Variants in CRIM1 observed in about 807,000 individuals in gnomAD.
CRIM1 encodes the protein cysteine rich transmembrane BMP regulator 1, also known as cysteine-rich motor neuron 1 protein.
A neutral mutation model predicts 116.4 loss-of-function variants in CRIM1; 32 were observed. That is an observed-to-expected ratio of 0.27 (90% CI 0.21 to 0.37). CRIM1 has a LOEUF of 0.37. Ranked by LOEUF, CRIM1 falls within the 10% of genes least tolerant of loss-of-function variation. CRIM1 has a pLI of 1.00. For synonymous variants in CRIM1, 590 were observed against 509.2 expected (o/e 1.16, Z -2.13); for missense variants, 1,331 against 1,354.8 (o/e 0.98, Z 0.28).
intron 2 of CRIM1, among the ~76,000 whole-genome samples, chr2:36,439,135 T>G (rs1001320703): frequency 1.3e-5 from 2 of 152,198 alleles, no homozygotes; most frequent in Non-Finnish European, 2.9e-5. Flanking sequence ...GAAGTGGTAT[T>G]CTATCCAACA....
At chr2:36,390,754 G>T (rs1671511977) in intron 1 of CRIM1, among the ~76,000 whole-genome samples, 1 of 151,962 alleles carries the variant, frequency 6.6e-6, no homozygotes. Context: ...CTTTTCTTCA[G>T]GTCTTCCATA....
At chr2:36,415,638 C>T (rs1411293357) in intron 2 of CRIM1, among the ~76,000 whole-genome samples, 1 of 152,114 alleles carries the variant, frequency 6.6e-6, no homozygotes, top group Non-Finnish European at 1.5e-5. Flanking sequence ...ACTAGAATCC[C>T]GGTGGAACCA....
chr2:36,495,120 G>C (rs1203173828), intron 7 of CRIM1, among the ~76,000 whole-genome samples: 1 of 152,182 alleles, frequency 6.6e-6, no homozygotes, highest in Admixed American at 6.5e-5. Flanking sequence ...AGTGCCGCCA[G>C]AAATCTTAGC....
At chr2:36,360,505 T>C (rs1276402815) in intron 1 of CRIM1, among the ~76,000 whole-genome samples, 3 of 152,240 alleles carry the variant, frequency 2.0e-5, no homozygotes, top group African/African-American at 7.2e-5. Context: ...CTGTTCCTTT[T>C]ACCCATTTTT....
At chr2:36,542,538 C>T (rs2125182642) in intron 14 of CRIM1, among the ~76,000 whole-genome samples, 1 of 152,356 alleles carries the variant, frequency 6.6e-6, no homozygotes, top group East Asian at 1.9e-4. Context: ...GAATCAATCC[C>T]AGCTCTGGGG....
intron 7 of CRIM1, among the ~76,000 whole-genome samples, chr2:36,498,858 A>C (rs951311088): frequency 6.6e-6 from 1 of 152,388 alleles, no homozygotes; most frequent in South Asian, 2.1e-4. Context: ...ATTATAAAAA[A>C]TAAACCGGAA....
chr2:36,405,852 T>C (rs1327375738), intron 2 of CRIM1, among the ~76,000 whole-genome samples: 1 of 152,226 alleles, frequency 6.6e-6, no homozygotes, highest in Non-Finnish European at 1.5e-5. Flanking sequence ...AAATGTTAAA[T>C]TAAAAATGAA....
chr2:36,371,039 T>C (rs2148304433), intron 1 of CRIM1, among the ~76,000 whole-genome samples: 1 of 152,276 alleles, frequency 6.6e-6, no homozygotes, highest in Non-Finnish European at 1.5e-5. Context: ...TTAGGAGATG[T>C]GGTCAACACA....
intron 13 of CRIM1, among the ~76,000 whole-genome samples, chr2:36,536,411 T>G (rs1173549314): frequency 6.6e-6 from 1 of 152,206 alleles, no homozygotes; most frequent in East Asian, 1.9e-4. Context: ...GCGCTGCTTG[T>G]AGAATCTGAA....
At chr2:36,364,334 T>TA (rs1371871825) in intron 1 of CRIM1, among the ~76,000 whole-genome samples, 2 of 152,242 alleles carry the variant, frequency 1.3e-5, no homozygotes, top group African/African-American at 4.8e-5. Flanking sequence ...TGATAAATGT[T>TA]ACCTGCTATT....
chr2:36,387,926 C>T (rs376714520), intron 1 of CRIM1, among the ~76,000 whole-genome samples: 4 of 145,520 alleles, frequency 2.7e-5, no homozygotes, highest in African/African-American at 1.0e-4. Flanking sequence ...CTCTGTTGCT[C>T]TTTTTTCAAG....
At chr2:36,512,993 C>G (rs544593769) in intron 10 of CRIM1, among the ~76,000 whole-genome samples, 138 of 152,314 alleles carry the variant, frequency 9.1e-4, no homozygotes, top group African/African-American at 3.1e-3. Context: ...TGCTGCCTAT[C>G]CCTTTTTATG....
intron 2 of CRIM1, among the ~76,000 whole-genome samples, chr2:36,406,200 A>T (rs919997647): frequency 5.9e-5 from 9 of 152,374 alleles, no homozygotes; most frequent in African/African-American, 2.2e-4. Flanking sequence ...CTATGAGAGT[A>T]TTATATAGCA....
chr2:36,374,832 C>T (rs1266328615), intron 1 of CRIM1, among the ~76,000 whole-genome samples: 2 of 149,764 alleles, frequency 1.3e-5, no homozygotes, highest in African/African-American at 4.9e-5. Flanking sequence ...GATCCCTAGG[C>T]TCATGGCATG....
At chr2:36,373,075 C>T (rs1049994506) in intron 1 of CRIM1, among the ~76,000 whole-genome samples, 4 of 152,144 alleles carry the variant, frequency 2.6e-5, no homozygotes, top group Non-Finnish European at 5.9e-5. Flanking sequence ...GTTGCCTTCT[C>T]TAAGACTTTA....
intron 5 of CRIM1, among the ~76,000 whole-genome samples, chr2:36,468,037 A>T (rs17018867): frequency 0.031 from 4,797 of 152,292 alleles, 118 homozygotes; most frequent in African/African-American, 0.059. Flanking sequence ...AAAAGGTCAG[A>T]TTGACACAGC....
In CRIM1 at chr2:36,517,313, G is replaced by A. The variant is rs748100672; in HGVS notation, c.1991-14G>A. 1 of 1,607,348 alleles carries A rather than the reference G, an allele frequency of 6.2e-7. No individual in the cohort carries two copies. The highest frequency in any genetic ancestry group is 1.1e-5 in the South Asian group (1 of 90,950). ...CAGATGAATAATGTGTTCTGATTTTGTGTCATTTCCCAGATGACTTTGTGG... is the reference window on the plus strand; with the variant it reads ...CAGATGAATAATGTGTTCTGATTTTATGTCATTTCCCAGATGACTTTGTGG... On this transcript the variant is annotated splice_polypyrimidine_tract_variant and intron_variant, in intron 11 of 16. Transcript: ENST00000280527.
chr2:36,439,814 T>C (rs958330884), intron 2 of CRIM1, among the ~76,000 whole-genome samples: 3 of 152,172 alleles, frequency 2.0e-5, no homozygotes, highest in East Asian at 3.8e-4. Context: ...TTTACTACTA[T>C]ATAATTTGCT....
chr2:36,471,819 C>T lies in CRIM1; in HGVS notation c.992-5070C>T, dbSNP rs571730431. Among the ~76,000 whole-genome samples, 438 of 152,072 alleles carry T rather than the reference C, an allele frequency of 2.9e-3. 5 individuals are homozygous for T. Among genetic ancestry groups the T allele is most frequent in the African/African-American group, 0.01 (416 of 41,462 alleles). ...AAGCCATCCTAGGCCTCATGTGGCC[C>T]GCAGGCTGCAGGTTAGACAAGTATG... On this transcript the variant is annotated intron_variant, in intron 5 of 16. Transcript: ENST00000280527.
Sources: gnomAD v4.1 joint callset for allele counts (sites outside exome capture counted in the v4.1 genomes callset) on GRCh38, gnomAD v4.1.1 for gene constraint, MANE v1.5 for transcripts, NCBI Gene and HGNC (gene_info 2026-07-23, HGNC 2026-07-21) for gene names.